The following KCNAB1 variants were observed in gnomAD, a reference collection of about 807,000 sequenced individuals.
KCNAB1 encodes the protein voltage-gated potassium channel subunit beta-1.
KCNAB1 carries 35 observed loss-of-function variants against 64.6 expected under a neutral mutation model. That is an observed-to-expected ratio of 0.54 (90% CI 0.41 to 0.72). The LOEUF is 0.72. Among genes scored for constraint, KCNAB1 ranks in the 30% least tolerant of loss-of-function variants. KCNAB1 has a pLI of 0.00. For synonymous variants in KCNAB1, 177 were observed against 183.8 expected, an observed-to-expected ratio of 0.96 and a Z score of 0.30; for missense variants, 401 against 512.9, an observed-to-expected ratio of 0.78 and a Z score of 2.11.
intron 2 of KCNAB1, among the ~76,000 whole-genome samples, chr3:156,433,214 T>G (rs1716352760): frequency 6.6e-6 from 1 of 152,210 alleles, no homozygotes; most frequent in Admixed American, 6.5e-5. Context: ...ATGAATCAGA[T>G]CCTTGGGCTA....
intron 1 of KCNAB1, among the ~76,000 whole-genome samples, chr3:156,256,295 A>G (rs559788678): frequency 6.6e-6 from 1 of 152,328 alleles, no homozygotes; most frequent in South Asian, 2.1e-4. Context: ...TTCAAACACA[A>G]TGTTGTTCCA....
intron 1 of KCNAB1, among the ~76,000 whole-genome samples, chr3:156,188,213 T>C (rs192280186): frequency 7.0e-6 from 1 of 141,904 alleles, no homozygotes; most frequent in Non-Finnish European, 1.5e-5. Flanking sequence ...CCCTGTGGGG[T>C]TTTTTTTTTT....
rs576941275 is a variant in KCNAB1 at position 156,159,900 on chromosome 3, G to A, written c.275+39014G>A. 3.7e-4 allele frequency among the ~76,000 whole-genome samples: 57 copies of A among 152,356 alleles called. 1 individual carries two copies. In the South Asian group the frequency reaches 0.012, roughly 32 times the overall value. On this transcript the variant is annotated intron_variant, in intron 1 of 13. Transcript: ENST00000490337. ...GGGCAATATCACTGAGTTTACAACA[G>A]TAAAAGACATAGTTCCTTCTCTAAA... is the stretch of plus-strand genomic sequence containing the variant.
At chr3:156,413,935 T>C (rs1047832813) in intron 1 of KCNAB1, among the ~76,000 whole-genome samples, 1 of 152,164 alleles carries the variant, frequency 6.6e-6, no homozygotes, top group African/African-American at 2.4e-5. Context: ...GTAAAAGACA[T>C]GGCACATAGA....
At position 156,531,503 on chromosome 3, in the gene KCNAB1, T is replaced by C. The variant is rs776886527; in HGVS notation, c.1170+6T>C. 1 of 1,598,234 alleles carries C rather than the reference T, an allele frequency of 6.3e-7. No homozygotes were observed. Reference sequence around the variant, plus strand: ...AAAACCTTGGTGCCATTCAGGCAAGTACTGCAGCCCCTTCCAACATCAGGG... The same window carrying C: ...AAAACCTTGGTGCCATTCAGGCAAGCACTGCAGCCCCTTCCAACATCAGGG... On this transcript the variant is annotated splice_donor_region_variant and intron_variant, in intron 13 of 13. Transcript: ENST00000490337.
At position 156,380,627 on chromosome 3, in the gene KCNAB1, T is replaced by C. The variant is rs142564231; in HGVS notation, c.276-40989T>C. Among the ~76,000 whole-genome samples the C allele has an allele frequency of 7.0e-3, 1,068 of 152,312 alleles. 15 individuals carry two copies. Among genetic ancestry groups the C allele is most frequent in the African/African-American group, 0.025 (1,025 of 41,570 alleles). On this transcript the variant is annotated intron_variant, in intron 1 of 13. Transcript: ENST00000490337. The stretch of plus-strand genomic sequence containing the variant: ...TGCCCAGCATGTTTAGTGAAGCCAT[T>C]ACTAAATTTGGTGAGGTTGGGAATG...
intron 2 of KCNAB1, among the ~76,000 whole-genome samples, chr3:156,445,383 C>A (rs548071829): frequency 3.2e-4 from 48 of 152,296 alleles, no homozygotes; most frequent in South Asian, 1.0e-3. Context: ...TCAACCCTGA[C>A]TGCAATTAGA....
intron 8 of KCNAB1, among the ~76,000 whole-genome samples, chr3:156,497,657 A>G (rs1022440718): frequency 6.6e-5 from 10 of 152,240 alleles, no homozygotes; most frequent in African/African-American, 2.2e-4. Flanking sequence ...GATATCTGCA[A>G]TGCAATGACA....
chr3:156,445,472 G>C (rs886508082), intron 2 of KCNAB1, among the ~76,000 whole-genome samples: 1 of 152,218 alleles, frequency 6.6e-6, no homozygotes, highest in Non-Finnish European at 1.5e-5. Context: ...GTGTGGTGAG[G>C]AATCAGGTCA....
chr3:156,528,021 T>A (rs969514929), intron 12 of KCNAB1, among the ~76,000 whole-genome samples: 1 of 152,226 alleles, frequency 6.6e-6, no homozygotes, highest in African/African-American at 2.4e-5. Context: ...TGGGTTCTCC[T>A]GTGCCCTACA....
chr3:156,368,368 G>T (rs573384323), intron 1 of KCNAB1, among the ~76,000 whole-genome samples: 10 of 152,274 alleles, frequency 6.6e-5, no homozygotes, highest in Admixed American at 5.9e-4. Context: ...GTTCAAAGGG[G>T]ATGATGAGCA....
chr3:156,524,044 T>C lies in KCNAB1; in HGVS notation c.1081+97T>C, dbSNP rs986675279. On this transcript the variant is annotated intron_variant, in intron 12 of 13. Transcript: ENST00000490337. Reference sequence around the variant, plus strand: ...CACCCTTACCATGATAAAATGTCTATTGCAGGGACAGATGATCTCTGAAGC... The same window carrying C: ...CACCCTTACCATGATAAAATGTCTACTGCAGGGACAGATGATCTCTGAAGC... 31 of 1,161,074 alleles carry C rather than the reference T, an allele frequency of 2.7e-5. No homozygotes were observed. The African/African-American group carries it at 4.4e-4, about 16-fold the overall frequency. 71.9% of individuals were successfully genotyped at this position (1,161,074 alleles called of 1,614,324 possible).
chr3:156,119,306 G>T (rs1358275511), upstream of KCNAB1, among the ~76,000 whole-genome samples: 1 of 152,176 alleles, frequency 6.6e-6, no homozygotes, highest in Middle Eastern at 3.2e-3. Context: ...TGTGACCGAG[G>T]TGACCACATT....
chr3:156,228,566 C>CT (rs142262540), intron 1 of KCNAB1, among the ~76,000 whole-genome samples: 170 of 152,308 alleles, frequency 1.1e-3, no homozygotes, highest in Non-Finnish European at 2.0e-3. Flanking sequence ...CTAGAGACCG[C>CT]TGCAGGTGTG....
intron 1 of KCNAB1, among the ~76,000 whole-genome samples, chr3:156,136,842 A>G (rs1173287148): frequency 6.6e-6 from 1 of 152,198 alleles, no homozygotes; most frequent in Admixed American, 6.5e-5. Flanking sequence ...TGCCCAAAGT[A>G]GGTGAGGAGA....
At chr3:156,439,314 C>T (rs1716831446) in intron 2 of KCNAB1, among the ~76,000 whole-genome samples, 1 of 140,588 alleles carries the variant, frequency 7.1e-6, no homozygotes, top group Non-Finnish European at 1.5e-5. Flanking sequence ...TCAAAATGAA[C>T]TAATTATCCA....
chr3:156,345,706 TC>T (rs1724440881), intron 1 of KCNAB1, among the ~76,000 whole-genome samples: 1 of 152,184 alleles, frequency 6.6e-6, no homozygotes, highest in Admixed American at 6.5e-5. Context: ...AGAAACTCTT[TC>T]AGAAGCAATT....
intron 1 of KCNAB1, among the ~76,000 whole-genome samples, chr3:156,329,902 A>G (rs576715574): frequency 6.6e-6 from 1 of 152,296 alleles, no homozygotes; most frequent in African/African-American, 2.4e-5. Context: ...TCCTTTTTCA[A>G]CACTTGCATT....
intron 1 of KCNAB1, among the ~76,000 whole-genome samples, chr3:156,196,719 T>C (rs1465202565): frequency 6.6e-6 from 1 of 152,184 alleles, no homozygotes; most frequent in East Asian, 1.9e-4. Context: ...GCTGAGATGA[T>C]GGGGTTTTCT....
Sources: gnomAD v4.1 joint callset for allele counts (sites outside exome capture counted in the v4.1 genomes callset) on GRCh38, gnomAD v4.1.1 for gene constraint, MANE v1.5 for transcripts, NCBI Gene and HGNC (gene_info 2026-07-23, HGNC 2026-07-21) for gene names.